Variants in TTC34 observed in about 807,000 individuals in gnomAD.
TTC34 encodes the protein tetratricopeptide repeat protein 34.
Under a neutral mutation model 40.7 loss-of-function variants are expected in TTC34, and 44 were observed. The ratio of observed to expected loss-of-function variants is 1.08; its 90% CI spans 0.85 to 1.39. TTC34 has a LOEUF of 1.39. Ranked by LOEUF, TTC34 falls within the 40% of genes most tolerant of loss-of-function variation. TTC34 has a pLI of 0.00. For missense variants in TTC34, 884 were observed against 838.0 expected (o/e 1.05, Z -0.68); for synonymous variants, 422 against 398.6 (o/e 1.06, Z -0.70).
intron 6 of TTC34, among the ~76,000 whole-genome samples, chr1:2,781,583 T>C (rs1470812689): frequency 6.6e-6 from 1 of 152,244 alleles, no homozygotes; most frequent in African/African-American, 2.4e-5. Flanking sequence ...GCAAAAGCAA[T>C]CATCCTTGCC....
exon 8 of TTC34, chr1:2,644,361 G>A (rs1230330900): frequency 6.5e-7 from 1 of 1,535,874 alleles, no homozygotes; most frequent in Non-Finnish European, 8.7e-7. Context: ...GTCCCTTGCA[G>A]CCCCTGGCAC....
At chr1:2,785,183 C>T (rs944101891) in intron 5 of TTC34, among the ~76,000 whole-genome samples, 1 of 152,170 alleles carries the variant, frequency 6.6e-6, no homozygotes, top group Non-Finnish European at 1.5e-5. Flanking sequence ...CCAGGTTCCA[C>T]GTGGCAGCCT....
At chr1:2,683,392 GC>G (rs376380301) in intron 6 of TTC34, among the ~76,000 whole-genome samples, 8 of 17,378 alleles carry the variant, frequency 4.6e-4, no homozygotes, top group Non-Finnish European at 8.9e-4. Flanking sequence ...GCACCCACAC[GC>G]CCAGGTGAGC....
intron 6 of TTC34, among the ~76,000 whole-genome samples, chr1:2,677,523 C>CGCTG (rs1318124180): frequency 2.9e-5 from 3 of 104,136 alleles, no homozygotes; most frequent in African/African-American, 6.9e-5. Flanking sequence ...TGGAGCAGCA[C>CGCTG]CCACACACCC....
intron 6 of TTC34, among the ~76,000 whole-genome samples, chr1:2,683,574 C>A (rs1233493477): frequency 1.5e-4 from 6 of 40,320 alleles, no homozygotes; most frequent in Non-Finnish European, 3.8e-4. Context: ...CATCCGACAG[C>A]CTGGAACAGC....
chr1:2,750,201 C>T lies in TTC34; in HGVS notation c.2226+33408G>A, dbSNP rs1342320818. On this transcript the variant is annotated intron_variant, in intron 6 of 8. Transcript: ENST00000401095. The stretch of plus-strand genomic sequence containing the variant: ...ATCTGACAGCCTGGGTCGGCACCCA[C>T]ACCCCCAGGTGCGCATCTGATGGTC... 9.9e-3 allele frequency among the ~76,000 whole-genome samples: 1,497 copies of T among 150,558 alleles called. 1 individual carries two copies. Among genetic ancestry groups the T allele is most frequent in the Middle Eastern group, 0.035 (10 of 284 alleles).
At chr1:2,751,397 G>A (rs1641314330) in intron 6 of TTC34, among the ~76,000 whole-genome samples, 1 of 147,840 alleles carries the variant, frequency 6.8e-6, no homozygotes, top group Non-Finnish European at 1.5e-5. Flanking sequence ...GTCTGGAGCA[G>A]CACCCACACA....
chr1:2,787,334 C>CA, intron 4 of TTC34, 147 bp downstream of exon 4: 1 of 621,578 alleles, frequency 1.6e-6, no homozygotes, highest in Admixed American at 3.4e-5. Flanking sequence ...TGAGGGCCTG[C>CA]AGCAGGTGCA....
At chr1:2,750,642 A>G (rs1641287053) in intron 6 of TTC34, among the ~76,000 whole-genome samples, 3 of 152,116 alleles carry the variant, frequency 2.0e-5, no homozygotes, top group Admixed American at 6.5e-5. Flanking sequence ...AGCAGCACCC[A>G]CACCCCCAGG....
chr1:2,778,130 G>C (rs1249285376), intron 6 of TTC34, among the ~76,000 whole-genome samples: 2 of 152,224 alleles, frequency 1.3e-5, no homozygotes, highest in Non-Finnish European at 2.9e-5. Flanking sequence ...TGGTCCAGCA[G>C]CCTGCCCTGC....
At chr1:2,681,422 T>G (rs1176605021) in intron 6 of TTC34, among the ~76,000 whole-genome samples, 2 of 90,730 alleles carry the variant, frequency 2.2e-5, no homozygotes, top group South Asian at 3.5e-4. Context: ...ACAGCACCCA[T>G]ACGCCCAGAT....
chr1:2,642,235 T>C (rs1382364393), intron 8 of TTC34, among the ~76,000 whole-genome samples: 3 of 152,298 alleles, frequency 2.0e-5, no homozygotes, highest in East Asian at 3.9e-4. Flanking sequence ...TACCTCCTCA[T>C]GGTCCCCTCC....
chr1:2,699,496 C>T (rs534479406), intron 6 of TTC34, among the ~76,000 whole-genome samples: 6 of 127,108 alleles, frequency 4.7e-5, no homozygotes, highest in Non-Finnish European at 1.1e-4. Flanking sequence ...ACCCACACAC[C>T]CAGGCGAGAA....
Position 2,756,090 on chromosome 1 carries a change from G to C in TTC34, c.2226+27519C>G, listed in dbSNP as rs1341969577. On this transcript the variant is annotated intron_variant, in intron 6 of 8. Transcript: ENST00000401095. ...GCCAAGATGAGCATCTGACAGCGTGGAACAGCACCCTGCACCCCCAGGAGA... is the reference window on the plus strand; with the variant it reads ...GCCAAGATGAGCATCTGACAGCGTGCAACAGCACCCTGCACCCCCAGGAGA... 4.2e-4 allele frequency among the ~76,000 whole-genome samples: 31 copies of C among 74,594 alleles called. 1 individual carries two copies. Among genetic ancestry groups the C allele is most frequent in the African/African-American group, 3.0e-3 (29 of 9,736 alleles). 48.9% of individuals were successfully genotyped at this position (74,594 alleles called of 152,430 possible).
chr1:2,675,988 TG>T (rs1639899888), intron 6 of TTC34, among the ~76,000 whole-genome samples: 1 of 3,036 alleles, frequency 3.3e-4, no homozygotes, highest in African/African-American at 1.2e-3. Flanking sequence ...TCTGACGGCC[TG>T]GAACAGCACC....
intron 6 of TTC34, among the ~76,000 whole-genome samples, chr1:2,765,747 C>T (rs1447556758): frequency 1.2e-4 from 6 of 48,102 alleles, no homozygotes; most frequent in African/African-American, 2.1e-4. Context: ...CCTGGAGCAG[C>T]GCCCACACCC....
chr1:2,652,425 G>C (rs1340586297), intron 6 of TTC34, among the ~76,000 whole-genome samples: 188 of 149,020 alleles, frequency 1.3e-3, no homozygotes, highest in Middle Eastern at 3.5e-3. Flanking sequence ...GCATCTGACA[G>C]CCTGGAACAG....
intron 6 of TTC34, among the ~76,000 whole-genome samples, chr1:2,754,719 G>C (rs1232153251): frequency 1.1e-5 from 1 of 93,114 alleles, no homozygotes; most frequent in African/African-American, 4.5e-5. Context: ...GCATCCGACA[G>C]CCTGGAGCAG....
intron 7 of TTC34, among the ~76,000 whole-genome samples, 197 bp from the exon 8 acceptor site, chr1:2,644,675 A>G (rs557669424): frequency 3.9e-4 from 60 of 152,118 alleles, no homozygotes; most frequent in Non-Finnish European, 6.8e-4. Flanking sequence ...CTCTGACCCC[A>G]CTCCATGATG....
Sources: gnomAD v4.1 joint callset for allele counts (sites outside exome capture counted in the v4.1 genomes callset) on GRCh38, gnomAD v4.1.1 for gene constraint, MANE v1.5 for transcripts, NCBI Gene and HGNC (gene_info 2026-07-23, HGNC 2026-07-21) for gene names.